Variants in PUM1 observed in about 807,000 individuals in gnomAD.
The protein encoded by PUM1 is pumilio RNA binding family member 1.
Under a neutral mutation model 131.8 loss-of-function variants are expected in PUM1, and 13 were observed. The ratio of observed to expected loss-of-function variants is 0.10; its 90% CI spans 0.06 to 0.16. PUM1 has a LOEUF of 0.16. PUM1 is among the 10% of genes least tolerant of loss of function. The probability of loss-of-function intolerance (pLI) is 1.00; values close to 1 mark genes in which losing one functional copy is unlikely to be tolerated. For synonymous variants in PUM1, 509 were observed against 556.5 expected (o/e 0.91, Z 1.20); for missense variants, 961 against 1,512.4 (o/e 0.64, Z 6.05).
intron 5 of PUM1, among the ~76,000 whole-genome samples, chr1:31,001,891 T>A (rs1029487079): frequency 6.6e-6 from 1 of 152,222 alleles, no homozygotes; most frequent in African/African-American, 2.4e-5. Flanking sequence ...CAAACTTTAA[T>A]GTGCATACAA....
intron 3 of PUM1, among the ~76,000 whole-genome samples, chr1:31,010,117 CAAAAAAAAAA>C (rs1642554737): frequency 6.8e-6 from 1 of 147,470 alleles, no homozygotes; most frequent in Non-Finnish European, 1.5e-5. Context: ...GCCACTATGG[CAAAAAAAAAA>C]GAAAGCAAAA....
chr1:30,974,152 G>T (rs959619959), intron 10 of PUM1, among the ~76,000 whole-genome samples: 1 of 151,054 alleles, frequency 6.6e-6, no homozygotes. Flanking sequence ...AAAAATAAAA[G>T]ATGTAGTTTT....
intron 14 of PUM1, among the ~76,000 whole-genome samples, chr1:30,962,002 T>A (rs1233727438): frequency 1.3e-5 from 2 of 152,190 alleles, no homozygotes; most frequent in Admixed American, 1.3e-4. Context: ...CTTTAAGGCC[T>A]TTGTATGGAG....
intron 1 of PUM1, among the ~76,000 whole-genome samples, chr1:31,062,188 C>T (rs1644381672): frequency 6.6e-6 from 1 of 152,196 alleles, no homozygotes; most frequent in Non-Finnish European, 1.5e-5. Context: ...AACAATATGT[C>T]TCATTTGTAT....
At chr1:30,948,474 C>T (rs561430017) in intron 17 of PUM1, among the ~76,000 whole-genome samples, 24 of 151,964 alleles carry the variant, frequency 1.6e-4, no homozygotes, top group Admixed American at 2.0e-4. Context: ...CAGGAAACAA[C>T]GACAGCTGGG....
At chr1:30,950,542 C>T (rs1386735361) in intron 16 of PUM1, among the ~76,000 whole-genome samples, 1 of 152,230 alleles carries the variant, frequency 6.6e-6, no homozygotes, top group East Asian at 1.9e-4. Context: ...CATAATTCCT[C>T]AAAGCTGTCA....
chr1:30,982,066 G>A (rs1641378577), intron 7 of PUM1: 1 of 152,144 alleles, frequency 6.6e-6, no homozygotes, highest in Non-Finnish European at 1.5e-5. Flanking sequence ...GGGAGCTCCA[G>A]AGTCTTCTGG....
intron 2 of PUM1, among the ~76,000 whole-genome samples, chr1:31,032,151 A>G (rs1045092804): frequency 2.0e-5 from 3 of 152,236 alleles, no homozygotes; most frequent in Non-Finnish European, 4.4e-5. Context: ...AAACCAAGTC[A>G]TTCTCTCACA....
chr1:30,933,439 TACACACACACACACACAC>T (rs58664754), intron 21 of PUM1, 97 bp from the exon 22 acceptor site: 615 of 363,862 alleles, frequency 1.7e-3, no homozygotes, highest in East Asian at 3.8e-3. Flanking sequence ...CACACACACA[TACACACACACACACACAC>T]ACACACACAC....
chr1:30,974,039 G>GCCC (rs1641038138), intron 10 of PUM1, among the ~76,000 whole-genome samples: 1 of 150,606 alleles, frequency 6.6e-6, no homozygotes, highest in African/African-American at 2.4e-5. Context: ...AGTGAGCTGA[G>GCCC]ATTGCACCAC....
rs940950422 is a variant in PUM1 at position 30,980,088 on chromosome 1, G to A, written c.1328C>T (p.Ala443Val). 4 of 1,611,612 alleles carry A rather than the reference G, an allele frequency of 2.5e-6. No homozygotes were observed. The highest frequency in any genetic ancestry group is 1.7e-5 in the Admixed American group (1 of 59,456). The stretch of plus-strand genomic sequence containing the variant: ...TAGTGTCGCTGCTGCAGCCAATCCA[G>A]CTGTGTAGGGGTCCGTCCCTGGGGG... ...AAPPGTDPYTAGLAAAATLGP... is the reference protein window; with the variant it reads ...AAPPGTDPYTVGLAAAATLGP... Residue 443 changes from alanine to valine, a missense_variant, in exon 9 of 22, where the codon GCT (alanine) becomes GTT (valine). Physicochemically the swap from Ala to Val is moderately conservative, Grantham distance 64 (BLOSUM62 0). This residue lies in a region of PUM1 where 654 missense variants were observed against 923.9 expected (regional missense o/e 0.71). Coordinates refer to ENST00000426105, the MANE Select transcript of PUM1 (RefSeq NM_001020658.2).
In PUM1 at chr1:31,051,386, C is replaced by G. The variant is rs1340375919; in HGVS notation, c.363+7818G>C. 2.0e-5 allele frequency among the ~76,000 whole-genome samples: 3 copies of G among 151,410 alleles called. No homozygotes were observed. In the East Asian group the frequency reaches 5.8e-4, roughly 29 times the overall value. Reference sequence around the variant, plus strand: ...TGGCACAATCTCGGCTCACCGCAAACTCTGCCTCCCAGGTTCAAGCAATTC... The same window carrying G: ...TGGCACAATCTCGGCTCACCGCAAAGTCTGCCTCCCAGGTTCAAGCAATTC... On this transcript the variant is annotated intron_variant, in intron 2 of 21. Coordinates refer to ENST00000426105, the MANE Select transcript of PUM1 (RefSeq NM_001020658.2).
At chr1:30,998,576 C>G (rs1001099642) in intron 5 of PUM1, among the ~76,000 whole-genome samples, 5 of 152,078 alleles carry the variant, frequency 3.3e-5, no homozygotes, top group Non-Finnish European at 7.4e-5. Context: ...CTCAGGGGTT[C>G]AAAGCTGCAG....
intron 2 of PUM1, among the ~76,000 whole-genome samples, chr1:31,032,571 TAAAA>T (rs11295813): frequency 6.9e-6 from 1 of 144,544 alleles, no homozygotes. Flanking sequence ...ATCTTTTTTT[TAAAA>T]AAAAAAAAAA....
intron 7 of PUM1, among the ~76,000 whole-genome samples, chr1:30,984,749 AAT>A (rs1641480591): frequency 6.6e-6 from 1 of 152,348 alleles, no homozygotes; most frequent in African/African-American, 2.4e-5. Context: ...AAAAACACCC[AAT>A]ATAGTGACTG....
At chr1:31,045,236 C>T (rs946716422) in intron 2 of PUM1, among the ~76,000 whole-genome samples, 4 of 151,780 alleles carry the variant, frequency 2.6e-5, no homozygotes, top group East Asian at 3.9e-4. Flanking sequence ...AGGGTTCAGG[C>T]GATTCTCCTG....
At chr1:30,952,688 GGGGGGC>G (rs1639992206) in intron 15 of PUM1, among the ~76,000 whole-genome samples, 3 of 96,050 alleles carry the variant, frequency 3.1e-5, no homozygotes, top group East Asian at 2.7e-4. Flanking sequence ...GGGGGCGGGG[GGGGGGC>G]GGGAGGGGCA....
At chr1:30,947,802 A>C (rs2124403436) in intron 17 of PUM1, among the ~76,000 whole-genome samples, 1 of 152,296 alleles carries the variant, frequency 6.6e-6, no homozygotes, top group South Asian at 2.1e-4. Context: ...ATTAAAGATT[A>C]CACTGGCAGG....
intron 14 of PUM1, among the ~76,000 whole-genome samples, chr1:30,959,689 T>C (rs1257614971): frequency 6.6e-6 from 1 of 152,032 alleles, no homozygotes; most frequent in Non-Finnish European, 1.5e-5. Flanking sequence ...AGGCAGATCA[T>C]GAGGTCAGGA....
Sources: allele counts gnomAD v4.1 joint callset (sites outside exome capture counted in the v4.1 genomes callset), GRCh38; gene constraint gnomAD v4.1.1; regional missense constraint gnomAD v4.1.1; transcripts MANE v1.5; gene names NCBI Gene and HGNC (gene_info 2026-07-23, HGNC 2026-07-21).